ARHGAP42: variants seen among roughly 807,000 people sequenced by gnomAD.
The protein encoded by ARHGAP42 is Rho GTPase activating protein 42, also known as rho GTPase-activating protein 42.
A neutral mutation model predicts 125.0 loss-of-function variants in ARHGAP42; 63 were observed. The ratio of observed to expected loss-of-function variants is 0.50; its 90% CI spans 0.41 to 0.62. The LOEUF is 0.62. Among genes scored for constraint, ARHGAP42 ranks in the 20% least tolerant of loss-of-function variants. ARHGAP42 has a pLI of 0.00. For synonymous variants in ARHGAP42, 339 were observed against 351.0 expected, an observed-to-expected ratio of 0.97 and a Z score of 0.38; for missense variants, 766 against 1,024.2, an observed-to-expected ratio of 0.75 and a Z score of 3.44.
At chr11:100,959,443 C>T (rs1857898886) in intron 12 of ARHGAP42, among the ~76,000 whole-genome samples, 3 of 152,076 alleles carry the variant, frequency 2.0e-5, no homozygotes, top group Non-Finnish European at 4.4e-5. Context: ...AGGTTTTCAG[C>T]AACCCAGGGA....
At chr11:100,874,452 C>G (rs943890164) in intron 4 of ARHGAP42, among the ~76,000 whole-genome samples, 1 of 152,140 alleles carries the variant, frequency 6.6e-6, no homozygotes, top group African/African-American at 2.4e-5. Flanking sequence ...ACATTCAAGG[C>G]TTGGAAACTA....
At chr11:100,739,149 TTTTTG>T (rs1280499460) in intron 1 of ARHGAP42, among the ~76,000 whole-genome samples, 1 of 144,408 alleles carries the variant, frequency 6.9e-6, no homozygotes, top group Admixed American at 6.8e-5. Context: ...AGAGTCTTTT[TTTTTG>T]TTTTTGTTTT....
At chr11:100,912,602 A>T (rs1302411088) in intron 4 of ARHGAP42, among the ~76,000 whole-genome samples, 2 of 152,194 alleles carry the variant, frequency 1.3e-5, no homozygotes, top group Non-Finnish European at 2.9e-5. Context: ...TATAAATGGA[A>T]AAGACATATC....
At chr11:100,896,097 G>A in intron 4 of ARHGAP42, among the ~76,000 whole-genome samples, 1 of 152,116 alleles carries the variant, frequency 6.6e-6, no homozygotes, top group East Asian at 1.9e-4. Context: ...GCGGTGTTTG[G>A]TTTTCTGTCC....
At chr11:100,813,334 T>A (rs774768276) in intron 3 of ARHGAP42, among the ~76,000 whole-genome samples, 12 of 152,172 alleles carry the variant, frequency 7.9e-5, no homozygotes, top group Non-Finnish European at 1.5e-4. Context: ...ATTTTGTCCC[T>A]CAGGGGTCAA....
chr11:100,801,240 C>T (rs1464453450), intron 3 of ARHGAP42, among the ~76,000 whole-genome samples: 1 of 151,936 alleles, frequency 6.6e-6, no homozygotes, highest in East Asian at 1.9e-4. Context: ...AAAATTAGTG[C>T]TTTATTTGGG....
At chr11:100,967,977 A>C (rs562351262) in intron 17 of ARHGAP42, among the ~76,000 whole-genome samples, 46 of 152,262 alleles carry the variant, frequency 3.0e-4, no homozygotes, top group South Asian at 1.0e-3. Context: ...CCGCCTCAAC[A>C]TCCCAAAGTA....
intron 4 of ARHGAP42, among the ~76,000 whole-genome samples, chr11:100,886,398 G>A (rs961547870): frequency 2.0e-5 from 3 of 152,182 alleles, no homozygotes; most frequent in African/African-American, 7.2e-5. Context: ...TTTCTTTATA[G>A]AGTTGGACTA....
intron 4 of ARHGAP42, among the ~76,000 whole-genome samples, chr11:100,896,519 A>G (rs974824877): frequency 1.3e-5 from 2 of 152,156 alleles, no homozygotes; most frequent in African/African-American, 4.8e-5. Context: ...CTGACTTTAA[A>G]TGATTGCCAT....
intron 1 of ARHGAP42, among the ~76,000 whole-genome samples, chr11:100,713,888 G>A (rs1169742980): frequency 6.6e-6 from 1 of 152,018 alleles, no homozygotes; most frequent in Non-Finnish European, 1.5e-5. Flanking sequence ...CCATATGTTT[G>A]TATTTCTAAT....
chr11:100,726,264 G>C (rs889047609), intron 1 of ARHGAP42, among the ~76,000 whole-genome samples: 2 of 152,168 alleles, frequency 1.3e-5, no homozygotes, highest in Non-Finnish European at 2.9e-5. Context: ...TCTAAAGCAA[G>C]GGAGTTGGAA....
chr11:100,961,893 A>C, intron 15 of ARHGAP42, 125 bp downstream of exon 15: 1 of 655,268 alleles, frequency 1.5e-6, no homozygotes, highest in Non-Finnish European at 2.6e-6. Context: ...CCCTTACATA[A>C]GGTGAAATAG....
chr11:100,906,739 CTTAT>C (rs1866749031), intron 4 of ARHGAP42, among the ~76,000 whole-genome samples: 2 of 152,164 alleles, frequency 1.3e-5, no homozygotes, highest in South Asian at 4.1e-4. Flanking sequence ...AGCCCTCTTC[CTTAT>C]TTACATTTAA....
Position 100,694,547 on chromosome 11 carries a change from C to T in ARHGAP42, c.154+6715C>T, listed in dbSNP as rs530582836. Among the ~76,000 whole-genome samples the T allele has an allele frequency of 7.9e-5, 12 of 152,288 alleles. No individual in the cohort carries two copies. In the South Asian group the frequency reaches 1.2e-3, roughly 16 times the overall value. On this transcript the variant is annotated intron_variant, in intron 1 of 23. Coordinates refer to ENST00000298815, the MANE Select transcript of ARHGAP42 (RefSeq NM_152432.4). ...TTCTGCTCATTTCAGCCTTCTAGGC[C>T]GGTGCCAGCCTCCCTGCAGCTCCAC...
chr11:100,935,723 T>G (rs1867721201), intron 7 of ARHGAP42, among the ~76,000 whole-genome samples: 1 of 151,482 alleles, frequency 6.6e-6, no homozygotes, highest in Non-Finnish European at 1.5e-5. Context: ...CAGAAGGTCA[T>G]TCAGACAAGT....
At chr11:100,968,520 T>C (rs1858156950) in intron 17 of ARHGAP42, among the ~76,000 whole-genome samples, 1 of 152,172 alleles carries the variant, frequency 6.6e-6, no homozygotes, top group African/African-American at 2.4e-5. Context: ...TTTTGTGCTA[T>C]CATTAATAAA....
intron 1 of ARHGAP42, among the ~76,000 whole-genome samples, chr11:100,736,978 C>G (rs375081700): frequency 1.3e-5 from 2 of 152,158 alleles, no homozygotes; most frequent in East Asian, 1.9e-4. Flanking sequence ...TTTGGGGCAT[C>G]CTATAGGACA....
chr11:100,892,600 C>CA (rs1866247504), intron 4 of ARHGAP42, among the ~76,000 whole-genome samples: 1 of 152,014 alleles, frequency 6.6e-6, no homozygotes, highest in South Asian at 2.1e-4. Flanking sequence ...TGTCTAGAGC[C>CA]AAATGAAGAT....
At chr11:100,805,993 A>G (rs574972540) in intron 3 of ARHGAP42, among the ~76,000 whole-genome samples, 2 of 151,812 alleles carry the variant, frequency 1.3e-5, no homozygotes, top group East Asian at 1.9e-4. Flanking sequence ...AGAATCCCCA[A>G]CCTCCTGGGA....
Sources: gnomAD v4.1 joint callset for allele counts (sites outside exome capture counted in the v4.1 genomes callset) on GRCh38, gnomAD v4.1.1 for gene constraint, MANE v1.5 for transcripts, NCBI Gene and HGNC (gene_info 2026-07-23, HGNC 2026-07-21) for gene names.